Variants in C1orf174 observed in about 807,000 individuals in gnomAD.
C1orf174 encodes chromosome 1 open reading frame 174, also known as UPF0688 protein C1orf174.
Under a neutral mutation model 18.4 loss-of-function variants are expected in C1orf174, and 13 were observed. That is an observed-to-expected ratio of 0.71 (90% CI 0.46 to 1.12). The LOEUF (loss-of-function observed/expected upper bound fraction) is 1.12, where lower values mean the gene tolerates loss of function less well. Among genes scored for constraint, C1orf174 ranks in the 50% most tolerant of loss-of-function variants. The pLI is 0.00. For synonymous variants in C1orf174, 100 were observed against 118.3 expected, an observed-to-expected ratio of 0.85 and a Z score of 1.01; for missense variants, 309 against 308.0, an observed-to-expected ratio of 1.00 and a Z score of -0.02.
At chr1:3,893,295 GTGTTTAGAATAAGCAGCACA>G (rs1441321468) in intron 1 of C1orf174, among the ~76,000 whole-genome samples, 2 of 152,144 alleles carry the variant, frequency 1.3e-5, no homozygotes, top group Admixed American at 6.5e-5. Flanking sequence ...CAACTTCAAA[GTGTTTAGAATAAGCAGCACA>G]TGCCCTTCCT....
chr1:3,894,269 AAG>A (rs1264605721), intron 1 of C1orf174, among the ~76,000 whole-genome samples: 2 of 152,310 alleles, frequency 1.3e-5, no homozygotes, highest in African/African-American at 4.8e-5. Context: ...AACAGCAGAT[AAG>A]AGAAATAAAA....
In C1orf174 at chr1:3,900,255, G is replaced by T; in HGVS notation, c.-69C>A. On this transcript the variant is annotated 5_prime_UTR_variant, in exon 1 of 4. Transcript: ENST00000361605. ...CGTCCCGGCGGAGCGGCGACCCGGAGTCTGCAGAGCGCGCCGCGGCGGCGT... is the reference window on the plus strand; with the variant it reads ...CGTCCCGGCGGAGCGGCGACCCGGATTCTGCAGAGCGCGCCGCGGCGGCGT... 7 of 1,499,392 alleles carry T rather than the reference G, an allele frequency of 4.7e-6. No individual in the cohort carries two copies. The highest frequency in any genetic ancestry group is 6.2e-6 in the Non-Finnish European group (7 of 1,136,480). 92.9% of individuals were successfully genotyped at this position (1,499,392 alleles called of 1,614,324 possible). A position where few individuals can be genotyped will look rare whatever the true frequency, so the allele number is the denominator to read the frequency against.
At chr1:3,894,836 C>T (rs1041209089) in intron 1 of C1orf174, among the ~76,000 whole-genome samples, 2 of 152,178 alleles carry the variant, frequency 1.3e-5, no homozygotes, top group African/African-American at 4.8e-5. Flanking sequence ...GAAGTGCCTG[C>T]TACCACAGCA....
intron 1 of C1orf174, 24 bp from the exon 2 acceptor site, chr1:3,893,020 G>A (rs111407438): frequency 3.1e-6 from 5 of 1,610,170 alleles, no homozygotes; most frequent in Non-Finnish European, 4.2e-6. Context: ...GAGCCACTCA[G>A]AGAGTGCTCT....
At position 3,900,210 on chromosome 1, in the gene C1orf174, A is replaced by G. The variant is rs776416588; in HGVS notation, c.-24T>C. On this transcript the variant is annotated 5_prime_UTR_variant, in exon 1 of 4. Transcript: ENST00000361605. ...ATGAGTGTGAGCACCGCAGCCAAGC[A>G]CCGCGCGCCCCGGCCAACGCGTCCC... 9 of 1,568,764 alleles carry G rather than the reference A, an allele frequency of 5.7e-6. No homozygotes were observed. Among genetic ancestry groups the G allele is most frequent in the Non-Finnish European group, 7.7e-6 (9 of 1,168,160 alleles).
In C1orf174 at chr1:3,890,756, T is replaced by C. The variant is rs1638493535; in HGVS notation, c.431A>G (p.His144Arg). The C allele has an allele frequency of 6.2e-7, 1 of 1,614,038 alleles. No individual in the cohort carries two copies. Among genetic ancestry groups the C allele is most frequent in the African/African-American group, 1.3e-5 (1 of 75,002 alleles). ...KTRDGLSVPK[H>R]SAGSGAEESN... is the part of the protein sequence containing the mutation. ...TTCTTCTGCTCCGGACCCGGCACTG[T>C]GTTTTGGCACGGACAGGCCATCTCT... The change falls in exon 3 of 4, where the codon CAC becomes CGC. Residue 144 changes from histidine (H) to arginine (R), a missense_variant. His to Arg is a conservative substitution (Grantham distance 29). Transcript: ENST00000361605.
Position 3,889,399 on chromosome 1 carries a change from A to G in C1orf174, c.*561T>C, listed in dbSNP as rs151126664. 2,469 of 154,992 alleles carry G rather than the reference A, an allele frequency of 0.016. 37 individuals are homozygous for G. Among genetic ancestry groups the G allele is most frequent in the Non-Finnish European group, 0.023 (1,586 of 69,618 alleles). The allele number at this position is 154,992 out of a possible 1,614,324, so 9.6% of individuals were successfully genotyped here. ...AAGCCATCATCATGTATGTACGTGT[A>G]TAAGAAAGGACACTGGCCGGGCATG... On this transcript the variant is annotated 3_prime_UTR_variant, in exon 4 of 4. Coordinates refer to ENST00000361605, the MANE Select transcript of C1orf174 (RefSeq NM_207356.3).
At chr1:3,894,403 C>T (rs1449202491) in intron 1 of C1orf174, among the ~76,000 whole-genome samples, 5 of 151,814 alleles carry the variant, frequency 3.3e-5, no homozygotes, top group Admixed American at 1.3e-4. Flanking sequence ...GTCAGGAGAT[C>T]GAGACCATCC....
At position 3,891,075 on chromosome 1, in the gene C1orf174, G is replaced by GTT. The variant is rs775083831; in HGVS notation, c.130-19_130-18insAA. ...GAGGAAGTCTGTCAAGAAAAAAAAT[G>GTT]TAAGGGGAACCAGACATATCTAGCA... is the stretch of plus-strand genomic sequence containing the variant. On this transcript the variant is annotated intron_variant, in intron 2 of 3. Coordinates refer to ENST00000361605, the MANE Select transcript of C1orf174 (RefSeq NM_207356.3). The GTT allele has an allele frequency of 1.1e-5, 17 of 1,597,068 alleles. No homozygotes were observed. The highest frequency in any genetic ancestry group is 1.4e-5 in the Non-Finnish European group (17 of 1,174,600).
Position 3,889,700 on chromosome 1 carries a change from G to GAAAAA in C1orf174, c.*255_*259dup, listed in dbSNP as rs59405380. 1.9e-4 allele frequency: 28 copies of GAAAAA among 146,234 alleles called. No individual in the cohort carries two copies. The highest frequency in any genetic ancestry group is 6.5e-4 in the South Asian group (6 of 9,196). The allele number at this position is 146,234 out of a possible 1,614,324, so 9.1% of individuals were successfully genotyped here. A position where few individuals can be genotyped will look rare whatever the true frequency, so the allele number is the denominator to read the frequency against. On this transcript the variant is annotated 3_prime_UTR_variant, in exon 4 of 4. Coordinates refer to ENST00000361605, the MANE Select transcript of C1orf174 (RefSeq NM_207356.3). ...ACAAGAGAGAAACTCTGTCTCCAAG[G>GAAAAA]AAAAAAAAAAAAAAAAAAAAAGAAA... is the stretch of plus-strand genomic sequence containing the variant.
At chr1:3,891,853 G>A in intron 2 of C1orf174, 1 of 977,490 alleles carries the variant, frequency 1.0e-6, no homozygotes, top group South Asian at 4.7e-5. Flanking sequence ...CAGGTGCTAG[G>A]ATCAGAGCCC....
intron 1 of C1orf174, chr1:3,895,387 G>C (rs1034803944): frequency 6.6e-6 from 1 of 152,258 alleles, no homozygotes; most frequent in Admixed American, 6.5e-5. Context: ...GTCTTTTCCC[G>C]CAGCAGGTGC....
At chr1:3,892,758 T>TC (rs970589753) in intron 2 of C1orf174, 125 bp downstream of exon 2, 14 of 1,481,302 alleles carry the variant, frequency 9.5e-6, no homozygotes, top group African/African-American at 2.8e-5. Context: ...TCTGCAATAG[T>TC]CCCCCTCTGG....
intron 3 of C1orf174, 45 bp downstream of exon 3, chr1:3,890,524 G>C (rs1455399803): frequency 6.2e-7 from 1 of 1,603,496 alleles, no homozygotes; most frequent in Non-Finnish European, 8.5e-7. Context: ...TGAATGTGCA[G>C]CTGCTGCCTG....
intron 1 of C1orf174, among the ~76,000 whole-genome samples, chr1:3,897,302 C>T (rs973218902): frequency 5.9e-5 from 9 of 152,098 alleles, no homozygotes; most frequent in African/African-American, 2.2e-4. Flanking sequence ...TAAGATAATG[C>T]TGCATCAAAG....
intron 3 of C1orf174, 39 bp from the exon 4 acceptor site, chr1:3,890,112 T>C (rs767800442): frequency 2.0e-6 from 3 of 1,509,028 alleles, no homozygotes; most frequent in Admixed American, 1.7e-5. Flanking sequence ...TCATGAGCAA[T>C]ACATATCTGC....
intron 2 of C1orf174, chr1:3,892,593 A>G: frequency 8.0e-6 from 3 of 375,592 alleles, no homozygotes; most frequent in Non-Finnish European, 1.3e-5. Flanking sequence ...TGCTAGGATC[A>G]GGGCCCGGGT....
chr1:3,891,318 T>C (rs145324411), intron 2 of C1orf174: 514 of 442,160 alleles, frequency 1.2e-3, no homozygotes, highest in Non-Finnish European at 1.4e-3. Flanking sequence ...ACTTTCAGTT[T>C]CCCCTAGTGG....
rs757564855 is a variant in C1orf174 at position 3,889,993 on chromosome 1, A to G, written c.699T>C (p.Asp233=). ...CTGCATCATCGTCGTCGTCATCATC[A>G]TCATCTTTGGCTCTGAAATGCATTT... is the stretch of plus-strand genomic sequence containing the variant. The part of the protein sequence containing the change: ...FRKMHFRAKD[D]DDDDDDDAEM Residue 233 remains aspartate, a synonymous_variant, in exon 4 of 4, where the codon GAT becomes GAC. Coordinates refer to ENST00000361605, the MANE Select transcript of C1orf174 (RefSeq NM_207356.3). The G allele has an allele frequency of 1.9e-6, 3 of 1,614,210 alleles. No homozygotes were observed. In the South Asian group the frequency reaches 3.3e-5, roughly 18 times the overall value.
Sources: allele counts gnomAD v4.1 joint callset (sites outside exome capture counted in the v4.1 genomes callset), GRCh38; gene constraint gnomAD v4.1.1; transcripts MANE v1.5; gene names NCBI Gene and HGNC (gene_info 2026-07-23, HGNC 2026-07-21).